Variants in AKT3 observed in about 807,000 individuals in gnomAD.
The protein encoded by AKT3 is AKT serine/threonine kinase 3.
AKT3 carries 15 observed loss-of-function variants against 65.3 expected under a neutral mutation model. The ratio of observed to expected loss-of-function variants is 0.23; its 90% CI spans 0.15 to 0.35. The LOEUF is 0.35. Among genes scored for constraint, AKT3 ranks in the 10% least tolerant of loss-of-function variants. AKT3 has a pLI of 1.00. For missense variants in AKT3, 243 were observed against 576.5 expected (o/e 0.42, Z 5.92); for synonymous variants, 206 against 183.8 (o/e 1.12, Z -0.98).
At chr1:243,688,185 T>C (rs1467458488) in intron 3 of AKT3, among the ~76,000 whole-genome samples, 1 of 151,974 alleles carries the variant, frequency 6.6e-6, no homozygotes, top group Non-Finnish European at 1.5e-5. Flanking sequence ...AATCTTCAAG[T>C]GATAAAATGA....
chr1:243,638,754 C>G (rs1553421428), intron 5 of AKT3, among the ~76,000 whole-genome samples: 1 of 150,814 alleles, frequency 6.6e-6, no homozygotes, highest in African/African-American at 2.4e-5. Flanking sequence ...CTTTTTTTTT[C>G]TGTTTATCAT....
intron 6 of AKT3, among the ~76,000 whole-genome samples, chr1:243,622,503 T>G (rs756467883): frequency 6.6e-6 from 1 of 152,242 alleles, no homozygotes; most frequent in Non-Finnish European, 1.5e-5. Context: ...GAGAGGAGTT[T>G]GTCAGTTTTA....
At chr1:243,684,014 G>C (rs922093302) in intron 3 of AKT3, among the ~76,000 whole-genome samples, 27 of 152,078 alleles carry the variant, frequency 1.8e-4, no homozygotes, top group African/African-American at 6.5e-4. Context: ...CCAAAGCCCA[G>C]GGTTTGAAGA....
chr1:243,612,361 C>T (rs1348373674), intron 8 of AKT3: 3 of 152,100 alleles, frequency 2.0e-5, no homozygotes, highest in African/African-American at 4.8e-5. Context: ...GTGATCCACC[C>T]GCCTCAGCCT....
chr1:243,783,972 C>T (rs1691083142), intron 2 of AKT3, among the ~76,000 whole-genome samples: 1 of 152,108 alleles, frequency 6.6e-6, no homozygotes, highest in African/African-American at 2.4e-5. Context: ...TTATTCTAGA[C>T]TCTGGGAAGA....
chr1:243,684,759 T>C lies in AKT3; in HGVS notation c.172+10832A>G, dbSNP rs144831083. Among the ~76,000 whole-genome samples, 855 of 152,306 alleles carry C rather than the reference T, an allele frequency of 5.6e-3. 11 individuals are homozygous for C. The highest frequency in any genetic ancestry group is 0.02 in the African/African-American group (813 of 41,558). On this transcript the variant is annotated intron_variant, in intron 3 of 13. Transcript: ENST00000673466. Reference sequence around the variant, plus strand: ...CTGTCTTCCACAACGGTTGAACTAATTTACACTCCCACCAATAGTGTAAAA... The same window carrying C: ...CTGTCTTCCACAACGGTTGAACTAACTTACACTCCCACCAATAGTGTAAAA...
chr1:243,693,771 G>T (rs983398938), intron 3 of AKT3, among the ~76,000 whole-genome samples: 1 of 152,074 alleles, frequency 6.6e-6, no homozygotes, highest in African/African-American at 2.4e-5. Flanking sequence ...GAAGATTGCG[G>T]TAAGTCAAGC....
intron 8 of AKT3, among the ~76,000 whole-genome samples, chr1:243,583,175 TATATATATATATATATATATAC>T (rs879540120): frequency 0.26 from 30,119 of 115,760 alleles, 3,477 homozygotes; most frequent in South Asian, 0.29. Context: ...TGTGTGTATA[TATATATATATATATATATATAC>T]ACACACACAC....
intron 2 of AKT3, among the ~76,000 whole-genome samples, chr1:243,777,866 C>T (rs1417717775): frequency 6.6e-6 from 1 of 152,250 alleles, no homozygotes; most frequent in East Asian, 1.9e-4. Flanking sequence ...ATTCAAATTC[C>T]TTAGACTGGA....
At chr1:243,544,240 T>TGG (rs1157241092) in intron 12 of AKT3, among the ~76,000 whole-genome samples, 1 of 66,734 alleles carries the variant, frequency 1.5e-5, no homozygotes, top group African/African-American at 6.6e-5. Context: ...TCTGAGGTAG[T>TGG]GGGGGAAAAA....
chr1:243,744,738 CAAAAA>C (rs932389262), intron 2 of AKT3, among the ~76,000 whole-genome samples: 1 of 53,250 alleles, frequency 1.9e-5, no homozygotes, highest in Admixed American at 1.9e-4. Flanking sequence ...GACTCCGTCT[CAAAAA>C]AAAAAAAAAA....
At chr1:243,767,959 T>A (rs1252815600) in intron 2 of AKT3, among the ~76,000 whole-genome samples, 1 of 151,820 alleles carries the variant, frequency 6.6e-6, no homozygotes, top group Non-Finnish European at 1.5e-5. Context: ...TTCCATAGGA[T>A]CAAAGCTTAG....
rs942291636 is a variant in AKT3, at chr1:243,580,886, C to G, written c.697-7838G>C. ...TCCTGGACATAACGTTATGGTGAAGCAGAGCTCTCTCTGCTCCATACCCAG... is the reference window on the plus strand; with the variant it reads ...TCCTGGACATAACGTTATGGTGAAGGAGAGCTCTCTCTGCTCCATACCCAG... On this transcript the variant is annotated intron_variant, in intron 8 of 13. Coordinates refer to ENST00000673466, the MANE Select transcript of AKT3 (RefSeq NM_005465.7). Among the ~76,000 whole-genome samples, 32 of 152,142 alleles carry G rather than the reference C, an allele frequency of 2.1e-4. 1 individual carries two copies. The highest frequency in any genetic ancestry group is 1.6e-3 in the Admixed American group (25 of 15,284).
chr1:243,818,159 T>C (rs980977364), intron 2 of AKT3: 1 of 152,230 alleles, frequency 6.6e-6, no homozygotes, highest in African/African-American at 2.4e-5. Flanking sequence ...CAGCACTTTA[T>C]ACAAATCTCG....
At chr1:243,613,227 C>G (rs1328898180) in intron 8 of AKT3, among the ~76,000 whole-genome samples, 2 of 150,022 alleles carry the variant, frequency 1.3e-5, no homozygotes, top group African/African-American at 4.9e-5. Context: ...TCATAGTACT[C>G]TACTATAAAG....
chr1:243,625,526 A>T (rs1679096877), intron 6 of AKT3, among the ~76,000 whole-genome samples: 1 of 152,120 alleles, frequency 6.6e-6, no homozygotes, highest in African/African-American at 2.4e-5. Context: ...GGTTAGCTTG[A>T]GCTATGGCTG....
intron 13 of AKT3, among the ~76,000 whole-genome samples, chr1:243,507,901 C>T (rs1237738375): frequency 2.0e-5 from 3 of 152,272 alleles, no homozygotes; most frequent in South Asian, 2.1e-4. Flanking sequence ...CCATTATTAA[C>T]GCCAGTGAGG....
chr1:243,740,612 T>C (rs1289717197), intron 2 of AKT3: 1 of 152,226 alleles, frequency 6.6e-6, no homozygotes, highest in East Asian at 1.9e-4. Flanking sequence ...AGCTTACCTG[T>C]TGTCTATGGC....
At chr1:243,589,846 C>G (rs369120634) in intron 8 of AKT3, among the ~76,000 whole-genome samples, 4 of 151,956 alleles carry the variant, frequency 2.6e-5, no homozygotes, top group Non-Finnish European at 5.9e-5. Flanking sequence ...TATGAAGAAG[C>G]AACATCTATC....
Sources: allele counts gnomAD v4.1 joint callset (sites outside exome capture counted in the v4.1 genomes callset), GRCh38; gene constraint gnomAD v4.1.1; transcripts MANE v1.5; gene names NCBI Gene and HGNC (gene_info 2026-07-23, HGNC 2026-07-21).